Variants in MAPK8IP1 observed in about 807,000 individuals in gnomAD.
The protein encoded by MAPK8IP1 is mitogen-activated protein kinase 8 interacting protein 1.
In MAPK8IP1, 17 loss-of-function variants were observed where a neutral mutation model predicts 72.6. That is an observed-to-expected ratio of 0.23 (90% CI 0.16 to 0.35). The LOEUF (loss-of-function observed/expected upper bound fraction) is 0.35. MAPK8IP1 is among the 10% of genes least tolerant of loss of function. The pLI, the probability that MAPK8IP1 is intolerant of heterozygous loss-of-function variation, is 1.00. For missense variants in MAPK8IP1, 789 were observed against 1,009.7 expected (o/e 0.78, Z 2.96); for synonymous variants, 401 against 443.4 (o/e 0.90, Z 1.20).
intron 1 of MAPK8IP1, among the ~76,000 whole-genome samples, chr11:45,887,176 C>T (rs2086533507): frequency 6.6e-6 from 1 of 152,190 alleles, no homozygotes; most frequent in African/African-American, 2.4e-5. Flanking sequence ...GCAGTGGAAG[C>T]ACATGGGGCT....
At chr11:45,901,892 G>A in intron 3 of MAPK8IP1, 88 bp from the exon 4 acceptor site, 1 of 963,128 alleles carries the variant, frequency 1.0e-6, no homozygotes, top group Non-Finnish European at 1.7e-6. Context: ...ATGGCCCTAG[G>A]GATGGCCTGA....
chr11:45,906,463 G>T lies in MAPK8IP1; in HGVS notation c.*742G>T. The T allele has an allele frequency of 7.4e-7, 1 of 1,358,450 alleles. No homozygotes were observed. The highest frequency in any genetic ancestry group is 9.8e-7 in the Non-Finnish European group (1 of 1,020,264). The allele number at this position is 1,358,450 out of a possible 1,614,324, so 84.1% of individuals were successfully genotyped here. A position where few individuals can be genotyped will look rare whatever the true frequency, so the allele number is the denominator to read the frequency against. On this transcript the variant is annotated 3_prime_UTR_variant, in exon 12 of 12. Coordinates refer to ENST00000241014, the MANE Select transcript of MAPK8IP1 (RefSeq NM_005456.4). ...ACTATTAAAGTGCCATTTCCTGTCT[G>T]GACTGCAGTGGATGTATCTGCATGG...
At position 45,906,026 on chromosome 11, in the gene MAPK8IP1, C is replaced by T. The variant is rs892891669; in HGVS notation, c.*305C>T. The T allele has an allele frequency of 2.6e-5, 14 of 531,962 alleles. No homozygotes were observed. The highest frequency in any genetic ancestry group is 2.1e-4 in the African/African-American group (11 of 52,444). 33.0% of individuals were successfully genotyped at this position (531,962 alleles called of 1,614,324 possible). ...ATGTCCGTTCCAGGAGCACACGGCC[C>T]TGCCCCATCCTGGGCCTTACCTCCC... On this transcript the variant is annotated 3_prime_UTR_variant, in exon 12 of 12. Coordinates refer to ENST00000241014, the MANE Select transcript of MAPK8IP1 (RefSeq NM_005456.4).
Position 45,902,678 on chromosome 11 carries a change from A to C in MAPK8IP1, c.911A>C (p.Glu304Ala). The C allele has an allele frequency of 6.2e-7, 1 of 1,611,818 alleles. No individual in the cohort carries two copies. The highest frequency in any genetic ancestry group is 1.1e-5 in the South Asian group (1 of 91,064). Reference sequence around the variant, plus strand: ...ACCTCCGCCTTCCTGCCGCCCACTGAGAGCCGGATGTCAGTCAGCTCCGAT... The same window carrying C: ...ACCTCCGCCTTCCTGCCGCCCACTGCGAGCCGGATGTCAGTCAGCTCCGAT... Reference protein sequence around the residue: ...EPTSAFLPPTESRMSVSSDPD... With the variant: ...EPTSAFLPPTASRMSVSSDPD... Residue 304 changes from glutamate (E) to alanine (A), a missense_variant, in exon 5 of 12, where the codon GAG becomes GCG. By Grantham distance (107) the Glu-to-Ala change is moderately radical. Around this residue, in one of 4 missense-constraint regions of MAPK8IP1, gnomAD observed 377 missense variants for 411.7 expected, o/e 0.92. Coordinates refer to ENST00000241014, the MANE Select transcript of MAPK8IP1 (RefSeq NM_005456.4). This position sits in a 1 kb window ranked among gnomAD's most constrained non-coding sequence, Gnocchi z 9.3.
Position 45,906,208 on chromosome 11 carries a change from T to G in MAPK8IP1, c.*487T>G, listed in dbSNP as rs906777471. ...GAGCCCAGCCACCTCCCAAGGACTTTCCAGTGAGGAAATGGCAACACGTGG... is the reference window on the plus strand; with the variant it reads ...GAGCCCAGCCACCTCCCAAGGACTTGCCAGTGAGGAAATGGCAACACGTGG... On this transcript the variant is annotated 3_prime_UTR_variant, in exon 12 of 12. Coordinates refer to ENST00000241014, the MANE Select transcript of MAPK8IP1 (RefSeq NM_005456.4). 1 of 292,734 alleles carries G rather than the reference T, an allele frequency of 3.4e-6. No homozygotes were observed. Among genetic ancestry groups the G allele is most frequent in the Non-Finnish European group, 6.4e-6 (1 of 156,448 alleles). The allele number at this position is 292,734 out of a possible 1,614,324, so 18.1% of individuals were successfully genotyped here.
Position 45,902,400 on chromosome 11 carries a change from C to A in MAPK8IP1, c.633C>A (p.Ile211=). The change falls in exon 5 of 12, where the codon ATC becomes ATA. Residue 211 remains isoleucine (I), a synonymous_variant. Transcript: ENST00000241014. This position sits in a 1 kb window ranked among gnomAD's most constrained non-coding sequence, Gnocchi z 9.3. ...TGEQTPPHEH[I]CLSDELPPQS... ...AGCAGACACCACCGCATGAACACAT[C>A]TGCCTGAGCGATGAGCTGCCCCCCC... 1 of 1,576,050 alleles carries A rather than the reference C, an allele frequency of 6.3e-7. No homozygotes were observed. The highest frequency in any genetic ancestry group is 8.6e-7 in the Non-Finnish European group (1 of 1,161,468).
At chr11:45,901,271 C>T (rs1000212428) in intron 3 of MAPK8IP1, among the ~76,000 whole-genome samples, 3 of 151,930 alleles carry the variant, frequency 2.0e-5, no homozygotes, top group Admixed American at 2.0e-4. Context: ...TGGAGGGAGC[C>T]CTGTGTGGGC....
At position 45,902,849 on chromosome 11, in the gene MAPK8IP1, C is replaced by T. The variant is rs762998724; in HGVS notation, c.1082C>T (p.Pro361Leu). 2.5e-6 allele frequency: 4 copies of T among 1,588,446 alleles called. No homozygotes were observed. Among genetic ancestry groups the T allele is most frequent in the Non-Finnish European group, 3.4e-6 (4 of 1,168,328 alleles). ...GWRGSLGEPP[P>L]PPRASLSSDT... Reference sequence around the variant, plus strand: ...CGGGGGAGCCTGGGGGAGCCGCCGCCACCTCCACGGGCCTCTCTGAGCTCG... The same window carrying T: ...CGGGGGAGCCTGGGGGAGCCGCCGCTACCTCCACGGGCCTCTCTGAGCTCG... The change falls in exon 5 of 12, where the codon CCA (proline) becomes CTA (leucine). Residue 361 changes from proline (P) to leucine (L), a missense_variant. Pro to Leu is a moderately conservative substitution (Grantham distance 98). Transcript: ENST00000241014. The surrounding 1 kb of genome is among the most constrained non-coding windows in gnomAD (Gnocchi z 9.3).
In MAPK8IP1 at chr11:45,903,029, C is replaced by T. The variant is rs769309122; in HGVS notation, c.1262C>T (p.Ser421Leu). 4 of 1,611,710 alleles carry T rather than the reference C, an allele frequency of 2.5e-6. No homozygotes were observed. Among genetic ancestry groups the T allele is most frequent in the Non-Finnish European group, 3.4e-6 (4 of 1,179,874 alleles). The stretch of plus-strand genomic sequence containing the variant: ...TATGACAACTGTGCCTCCGTCTCCT[C>T]GCCCTATGAGTCGGCCATCGGAGAG... ...TVYDNCASVS[S>L]PYESAIGEEY... Residue 421 changes from serine to leucine, a missense_variant, in exon 5 of 12, where the codon TCG (serine) becomes TTG (leucine). This residue lies in a region of MAPK8IP1 where 377 missense variants were observed against 411.7 expected (regional missense o/e 0.92). Transcript: ENST00000241014. The surrounding 1 kb of genome is among the most constrained non-coding windows in gnomAD (Gnocchi z 6.4).
In MAPK8IP1 at chr11:45,885,758, C is replaced by T; in HGVS notation, c.-63C>T. On this transcript the variant is annotated 5_prime_UTR_variant, in exon 1 of 12. Transcript: ENST00000241014. ...CTGCCCTCTCGCCGCGCCTCCGCCTCCTTCGCAGCCGCCGCCTCCTCCGCG... is the reference window on the plus strand; with the variant it reads ...CTGCCCTCTCGCCGCGCCTCCGCCTTCTTCGCAGCCGCCGCCTCCTCCGCG... The T allele has an allele frequency of 9.8e-7, 1 of 1,015,618 alleles. No individual in the cohort carries two copies. Among genetic ancestry groups the T allele is most frequent in the South Asian group, 2.5e-5 (1 of 40,414 alleles). 62.9% of individuals were successfully genotyped at this position (1,015,618 alleles called of 1,614,324 possible).
At chr11:45,890,120 G>T (rs1167719074) in intron 1 of MAPK8IP1, among the ~76,000 whole-genome samples, 1 of 152,200 alleles carries the variant, frequency 6.6e-6, no homozygotes, top group East Asian at 1.9e-4. Context: ...TGGAGTGAAG[G>T]GCGGAGACCA....
chr11:45,902,074 C>G lies in MAPK8IP1; in HGVS notation c.604+13C>G, dbSNP rs2086657811. ...CCCCTGAAGACAGGTAAGTCAGGGC[C>G]CTCTTCCTTACCTGGACCTCCGCCT... is the stretch of plus-strand genomic sequence containing the variant. On this transcript the variant is annotated intron_variant, in intron 4 of 11. Transcript: ENST00000241014. The surrounding 1 kb of genome is among the most constrained non-coding windows in gnomAD (Gnocchi z 9.3). 1.2e-6 allele frequency: 2 copies of G among 1,609,938 alleles called. No individual in the cohort carries two copies. The highest frequency in any genetic ancestry group is 8.5e-7 in the Non-Finnish European group (1 of 1,176,290).
chr11:45,895,631 AAAATATATATAT>A (rs2086598636), intron 1 of MAPK8IP1, among the ~76,000 whole-genome samples: 2 of 34,636 alleles, frequency 5.8e-5, no homozygotes, highest in South Asian at 2.3e-3. Flanking sequence ...AAAAAAAAAA[AAAATATATATAT>A]ATATATATAT....
chr11:45,896,855 G>A, intron 1 of MAPK8IP1: 1 of 1,548,852 alleles, frequency 6.5e-7, no homozygotes, highest in Non-Finnish European at 8.7e-7. Flanking sequence ...GGGCCCCGCA[G>A]CCCCCCGGCC....
At chr11:45,899,299 G>T (rs2086631341) in intron 2 of MAPK8IP1, among the ~76,000 whole-genome samples, 1 of 152,248 alleles carries the variant, frequency 6.6e-6, no homozygotes, top group South Asian at 2.1e-4. Flanking sequence ...CTTGGAGAGG[G>T]TTGCCTCCGA....
At chr11:45,890,985 G>A (rs1057272289) in intron 1 of MAPK8IP1, among the ~76,000 whole-genome samples, 7 of 152,162 alleles carry the variant, frequency 4.6e-5, no homozygotes, top group Non-Finnish European at 5.9e-5. Flanking sequence ...ACCATGTTTC[G>A]GTGGAGGTGG....
chr11:45,903,314 AC>A lies in MAPK8IP1; in HGVS notation c.1418-49del. The A allele has an allele frequency of 1.2e-6, 2 of 1,601,042 alleles. No individual in the cohort carries two copies. The highest frequency in any genetic ancestry group is 3.7e-4 in the Middle Eastern group (2 of 5,468). ...CTGAGGCTTCTACCTGCCCCGCTAAACCTGGATCAGAGCTGCGACCCCCCAT... is the reference window on the plus strand; with the variant it reads ...CTGAGGCTTCTACCTGCCCCGCTAAACTGGATCAGAGCTGCGACCCCCCAT... On this transcript the variant is annotated intron_variant, in intron 5 of 11. Coordinates refer to ENST00000241014, the MANE Select transcript of MAPK8IP1 (RefSeq NM_005456.4). This position sits in a 1 kb window ranked among gnomAD's most constrained non-coding sequence, Gnocchi z 6.4.
chr11:45,891,132 C>T (rs992896161), intron 1 of MAPK8IP1, among the ~76,000 whole-genome samples: 1 of 152,162 alleles, frequency 6.6e-6, no homozygotes, highest in African/African-American at 2.4e-5. Context: ...AACCCCAGCT[C>T]GCTGATGGCA....
rs746424374 is a variant in MAPK8IP1, at chr11:45,902,824, C to G, written c.1057C>G (p.Arg353Gly). The change falls in exon 5 of 12, where the codon CGG becomes GGG. Residue 353 changes from arginine (R) to glycine (G), a missense_variant. Around this residue, in one of 4 missense-constraint regions of MAPK8IP1, gnomAD observed 377 missense variants for 411.7 expected, o/e 0.92. Coordinates refer to ENST00000241014, the MANE Select transcript of MAPK8IP1 (RefSeq NM_005456.4). This position sits in a 1 kb window ranked among gnomAD's most constrained non-coding sequence, Gnocchi z 9.3. Reference sequence around the variant, plus strand: ...GGCTGAGCCCCCAGGCGGAGGGTGGCGGGGGAGCCTGGGGGAGCCGCCGCC... The same window carrying G: ...GGCTGAGCCCCCAGGCGGAGGGTGGGGGGGGAGCCTGGGGGAGCCGCCGCC... ...ERAEPPGGGW[R>G]GSLGEPPPPP... The G allele has an allele frequency of 1.3e-6, 2 of 1,580,848 alleles. No individual in the cohort carries two copies. Among genetic ancestry groups the G allele is most frequent in the Non-Finnish European group, 1.7e-6 (2 of 1,165,766 alleles).
Sources: gnomAD v4.1 joint callset for allele counts (sites outside exome capture counted in the v4.1 genomes callset) on GRCh38, gnomAD v4.1.1 for gene constraint, gnomAD v4.1.1 regional missense constraint, Gnocchi (gnomAD v3.1) non-coding constraint, MANE v1.5 for transcripts, NCBI Gene and HGNC (gene_info 2026-07-23, HGNC 2026-07-21) for gene names.